The following TKT variants were observed in gnomAD, a reference collection of about 807,000 sequenced individuals.
TKT encodes the protein epididymis luminal protein 107.
In TKT, 47 loss-of-function variants were observed where a neutral mutation model predicts 63.9. The ratio of observed to expected loss-of-function variants is 0.74; its 90% confidence interval spans 0.58 to 0.94. The LOEUF (loss-of-function observed/expected upper bound fraction) is 0.94. Among genes scored for constraint, TKT ranks in the 40% least tolerant of loss-of-function variants. The pLI is 0.00. For missense variants in TKT, 721 were observed against 846.2 expected, an observed-to-expected ratio of 0.85 and a Z score of 1.84; for synonymous variants, 338 against 334.1, an observed-to-expected ratio of 1.01 and a Z score of -0.13.
rs534074581 is a variant in TKT at position 53,241,794 on chromosome 3, C to T, written c.225+331G>A. On this transcript the variant is annotated intron_variant, in intron 2 of 13. Coordinates refer to ENST00000462138, the MANE Select transcript of TKT (RefSeq NM_001064.4). Reference sequence around the variant, plus strand: ...AGCAGGTAGGGAGCCACAACCCAGACCGAGATGCCAGTCCTGCCTGTCAAC... The same window carrying T: ...AGCAGGTAGGGAGCCACAACCCAGATCGAGATGCCAGTCCTGCCTGTCAAC... The T allele has an allele frequency of 5.4e-4, 185 of 345,604 alleles. 1 individual carries two copies. The highest frequency in any genetic ancestry group is 3.6e-3 in the African/African-American group (172 of 47,956). The allele number at this position is 345,604 out of a possible 1,614,324, so 21.4% of individuals were successfully genotyped here.
At chr3:53,232,209 G>A (rs1358010471) in intron 6 of TKT, 7 of 397,844 alleles carry the variant, frequency 1.8e-5, no homozygotes, top group Non-Finnish European at 3.1e-5. Context: ...AAGACTAGCA[G>A]GAGCCCCCAA....
At chr3:53,248,305 A>C (rs527746328) in intron 1 of TKT, among the ~76,000 whole-genome samples, 1 of 152,230 alleles carries the variant, frequency 6.6e-6, no homozygotes, top group African/African-American at 2.4e-5. Flanking sequence ...ATGGATAAAC[A>C]AAATGCACTA....
intron 1 of TKT, among the ~76,000 whole-genome samples, chr3:53,243,432 G>A (rs1044436681): frequency 2.0e-5 from 3 of 152,064 alleles, no homozygotes; most frequent in South Asian, 2.1e-4. Context: ...TGGAGCTCAC[G>A]CCGCCAGCCT....
intron 4 of TKT, among the ~76,000 whole-genome samples, chr3:53,239,057 G>A (rs548593263): frequency 3.9e-5 from 6 of 152,304 alleles, no homozygotes; most frequent in Non-Finnish European, 7.4e-5. Context: ...TGCTGTTCTC[G>A]TGATGGTGAA....
Position 53,229,367 on chromosome 3 carries a change from A to C in TKT, c.1177T>G (p.Phe393Val), listed in dbSNP as rs138820989. ...CGAATCTGGTCAAAGGCCCGCGTGAAGAAGGCTGCAAAAGTGCTGCAGAAG... is the reference window on the plus strand; with the variant it reads ...CGAATCTGGTCAAAGGCCCGCGTGACGAAGGCTGCAAAAGTGCTGCAGAAG... ...VPFCSTFAAF[F>V]TRAFDQIRMA... Residue 393 changes from phenylalanine to valine, a missense_variant, in exon 9 of 14, where the codon TTC becomes GTC. Transcript: ENST00000462138. 3.7e-6 allele frequency: 6 copies of C among 1,613,578 alleles called. No individual in the cohort carries two copies. The highest frequency in any genetic ancestry group is 1.3e-5 in the African/African-American group (1 of 75,018).
At chr3:53,240,421 C>T in intron 3 of TKT, 73 bp from the exon 4 acceptor site, 1 of 1,427,618 alleles carries the variant, frequency 7.0e-7, no homozygotes, top group Non-Finnish European at 9.6e-7. Context: ...GGGAGCCACA[C>T]TCCCACCCAG....
At chr3:53,244,409 C>T (rs1705419554) in intron 1 of TKT, among the ~76,000 whole-genome samples, 1 of 152,148 alleles carries the variant, frequency 6.6e-6, no homozygotes, top group Non-Finnish European at 1.5e-5. Context: ...GTCTGGGAGA[C>T]ACAGTGAGAT....
chr3:53,229,207 C>A, intron 9 of TKT, 70 bp from the exon 10 acceptor site: 1 of 1,612,998 alleles, frequency 6.2e-7, no homozygotes, highest in Non-Finnish European at 8.5e-7. Context: ...GGAATCCTGG[C>A]CCATCCCCCT....
chr3:53,250,048 T>C (rs1705681125), intron 1 of TKT, among the ~76,000 whole-genome samples: 1 of 152,242 alleles, frequency 6.6e-6, no homozygotes, highest in Non-Finnish European at 1.5e-5. Flanking sequence ...GGTGCTGTAC[T>C]TCACTTCCAG....
intron 13 of TKT, 136 bp from the exon 14 acceptor site, chr3:53,226,067 A>G (rs1704486680): frequency 5.5e-6 from 4 of 726,910 alleles, no homozygotes; most frequent in Non-Finnish European, 2.1e-6. Flanking sequence ...CCATGAGCCC[A>G]TCACATAACT....
Position 53,232,492 on chromosome 3 carries a change from G to A in TKT, c.748+664C>T, listed in dbSNP as rs184447981. ...CCAGGCCCTGGGATCAGCCCCCCTC[G>A]TGCCATAGACTTCCTCTGTCCCCGG... On this transcript the variant is annotated intron_variant, in intron 6 of 13. Transcript: ENST00000462138. 8.2e-4 allele frequency: 327 copies of A among 398,854 alleles called. 1 individual carries two copies. The highest frequency in any genetic ancestry group is 5.2e-3 in the African/African-American group (255 of 48,758). The allele number at this position is 398,854 out of a possible 1,614,324, so 24.7% of individuals were successfully genotyped here. A position where few individuals can be genotyped will look rare whatever the true frequency, so the allele number is the denominator to read the frequency against.
intron 6 of TKT, chr3:53,232,091 G>A (rs1017923305): frequency 5.1e-5 from 18 of 354,290 alleles, no homozygotes; most frequent in Middle Eastern, 7.1e-4. Flanking sequence ...TGTTGTGTGC[G>A]GCCAGGAAGG....
chr3:53,232,351 C>A, intron 6 of TKT: 1 of 399,108 alleles, frequency 2.5e-6, no homozygotes, highest in Non-Finnish European at 4.4e-6. Context: ...CCTCCCAGCA[C>A]TGCCAAACCC....
At position 53,231,609 on chromosome 3, in the gene TKT, A is replaced by G. The variant is rs1456655172; in HGVS notation, c.749-59T>C. ...GTAAGACAGAAGCTCCCAGAGGGCC[A>G]GGAGGCTGCTCCAGGAGACTGGCCC... On this transcript the variant is annotated intron_variant, in intron 6 of 13. Transcript: ENST00000462138. The G allele has an allele frequency of 2.6e-6, 4 of 1,540,774 alleles. No individual in the cohort carries two copies. The African/African-American group carries it at 5.5e-5, about 21-fold the overall frequency.
intron 12 of TKT, chr3:53,227,231 TGTG>T (rs1704538553): frequency 5.0e-6 from 1 of 198,664 alleles, no homozygotes; most frequent in Non-Finnish European, 1.0e-5. Context: ...TGAGGCTTGA[TGTG>T]GTGACGTTGG....
At chr3:53,226,908 G>A in intron 12 of TKT, 30 bp from the exon 13 acceptor site, 1 of 1,572,828 alleles carries the variant, frequency 6.4e-7, no homozygotes, top group Non-Finnish European at 8.6e-7. Flanking sequence ...GCGTGGCTGA[G>A]GGGAGGGCTG....
At chr3:53,248,613 G>A (rs1248135677) in intron 1 of TKT, among the ~76,000 whole-genome samples, 1 of 146,178 alleles carries the variant, frequency 6.8e-6, no homozygotes, top group African/African-American at 2.5e-5. Context: ...TCGGGACACA[G>A]TGGAGACCCT....
intron 9 of TKT, 32 bp downstream of exon 9, chr3:53,229,248 G>C (rs1242119650): frequency 1.2e-6 from 2 of 1,613,376 alleles, no homozygotes; most frequent in Non-Finnish European, 1.7e-6. Flanking sequence ...AGTCAAGGGA[G>C]CTCCAGGTGT....
At chr3:53,233,404 G>T (rs543428122) in intron 5 of TKT, 130 bp from the exon 6 acceptor site, 367 of 573,084 alleles carry the variant, frequency 6.4e-4, no homozygotes, top group South Asian at 9.9e-4. Context: ...GCCTCAGCTG[G>T]AGTAGTAGAA....
Sources: allele counts gnomAD v4.1 joint callset (sites outside exome capture counted in the v4.1 genomes callset), GRCh38; gene constraint gnomAD v4.1.1; transcripts MANE v1.5; gene names NCBI Gene and HGNC (gene_info 2026-07-23, HGNC 2026-07-21).